Variants in DNAH8 observed in about 807,000 individuals in gnomAD.
DNAH8 encodes the protein dynein axonemal heavy chain 8, also known as axonemal beta dynein heavy chain 8.
DNAH8 carries 382 observed loss-of-function variants against 562.1 expected under a neutral mutation model. The observed-to-expected ratio is 0.68, with a 90% CI of 0.63 to 0.74. DNAH8 has a LOEUF of 0.74. Ranked by LOEUF, DNAH8 falls within the 30% of genes least tolerant of loss-of-function variation. The pLI is 0.00. For missense variants in DNAH8, 5,203 were observed against 5,620.4 expected (o/e 0.93, Z 2.37); for synonymous variants, 1,881 against 1,919.4 (o/e 0.98, Z 0.52).
intron 67 of DNAH8, 34 bp downstream of exon 67, chr6:38,913,986 A>G (rs776136991): frequency 1.4e-6 from 2 of 1,475,494 alleles, no homozygotes; most frequent in South Asian, 1.2e-5. Flanking sequence ...CTGATGAGGA[A>G]TATTTTTCCA....
chr6:38,789,288 C>A (rs1173302835), intron 18 of DNAH8, among the ~76,000 whole-genome samples: 1 of 152,154 alleles, frequency 6.6e-6, no homozygotes, highest in African/African-American at 2.4e-5. Context: ...CTCGAATCTG[C>A]ATTTCCCACA....
chr6:38,731,184 A>G (rs1169713084), intron 4 of DNAH8, among the ~76,000 whole-genome samples: 2 of 152,204 alleles, frequency 1.3e-5, no homozygotes, highest in Admixed American at 6.5e-5. Context: ...CTATATTTTT[A>G]TAACTTGTTA....
intron 87 of DNAH8, among the ~76,000 whole-genome samples, chr6:38,988,865 T>G (rs1350479533): frequency 6.6e-6 from 1 of 152,218 alleles, no homozygotes; most frequent in Non-Finnish European, 1.5e-5. Flanking sequence ...TTTAAACCTC[T>G]TTAGTACTTT....
At chr6:38,955,009 C>G (rs548617083) in intron 82 of DNAH8, among the ~76,000 whole-genome samples, 1 of 152,234 alleles carries the variant, frequency 6.6e-6, no homozygotes, top group Admixed American at 6.5e-5. Context: ...ACTCTGTCAC[C>G]CAGGCTGGAG....
intron 11 of DNAH8, among the ~76,000 whole-genome samples, chr6:38,766,716 CA>C (rs1767043237): frequency 6.6e-6 from 1 of 152,042 alleles, no homozygotes; most frequent in African/African-American, 2.4e-5. Context: ...CCCCCCACCC[CA>C]AAAAATAACT....
Position 38,954,719 on chromosome 6 carries a change from A to T in DNAH8, c.12451+3199A>T, listed in dbSNP as rs1383051129. On this transcript the variant is annotated intron_variant, in intron 82 of 92. Coordinates refer to ENST00000327475, the MANE Select transcript of DNAH8 (RefSeq NM_001206927.2). Reference sequence around the variant, plus strand: ...CTCCGTCTCAAAAAAAAAAAAAAAAAAAAAAAAAATAAATTACAGCATCTC... The same window carrying T: ...CTCCGTCTCAAAAAAAAAAAAAAAATAAAAAAAAATAAATTACAGCATCTC... 5.4e-3 allele frequency among the ~76,000 whole-genome samples: 814 copies of T among 151,030 alleles called. 395 individuals are homozygous for T. The highest frequency in any genetic ancestry group is 0.017 in the African/African-American group (696 of 40,854).
At chr6:38,734,251 T>A (rs1242436897) in intron 4 of DNAH8, among the ~76,000 whole-genome samples, 1 of 140,664 alleles carries the variant, frequency 7.1e-6, no homozygotes, top group East Asian at 2.2e-4. Flanking sequence ...ACTACTGCAC[T>A]CCAGCCTGGG....
At chr6:38,804,201 T>G (rs1339535003) in intron 22 of DNAH8, among the ~76,000 whole-genome samples, 1 of 152,190 alleles carries the variant, frequency 6.6e-6, no homozygotes, top group Non-Finnish European at 1.5e-5. Flanking sequence ...TGAATCCCCT[T>G]TATCAGGGGC....
chr6:39,021,829 A>G (rs1328873723), intron 91 of DNAH8, among the ~76,000 whole-genome samples: 1 of 152,258 alleles, frequency 6.6e-6, no homozygotes, highest in African/African-American at 2.4e-5. Context: ...AGTGTAAATC[A>G]TTACAAAATG....
rs2150773780 is a variant in DNAH8 at position 39,012,651 on chromosome 6, G to A, written c.13714+14G>A. On this transcript the variant is annotated intron_variant, in intron 91 of 92. Transcript: ENST00000327475. Reference sequence around the variant, plus strand: ...TTAATCCCCAAGGTATGTGCTCATAGGAGATTTGGCAAGCTTGGAATTTGT... The same window carrying A: ...TTAATCCCCAAGGTATGTGCTCATAAGAGATTTGGCAAGCTTGGAATTTGT... 6.2e-7 allele frequency: 1 copy of A among 1,603,932 alleles called. No homozygotes were observed. Among genetic ancestry groups the A allele is most frequent in the Non-Finnish European group, 8.5e-7 (1 of 1,170,986 alleles).
At chr6:38,772,399 T>C (rs1165606767) in intron 12 of DNAH8, among the ~76,000 whole-genome samples, 6 of 152,190 alleles carry the variant, frequency 3.9e-5, no homozygotes, top group Non-Finnish European at 8.8e-5. Flanking sequence ...GCCATTCTAC[T>C]GGGTATGAAG....
At position 39,030,509 on chromosome 6, in the gene DNAH8, T is replaced by G. The variant is rs1403895685; in HGVS notation, c.*117T>G. On this transcript the variant is annotated 3_prime_UTR_variant, in exon 93 of 93. Transcript: ENST00000327475. ...AATTCCTTAATTACTCTTTCTACAT[T>G]AAAAAGTTGATGTTCTAAAATTGCT... is the stretch of plus-strand genomic sequence containing the variant. The G allele has an allele frequency of 1.1e-6, 1 of 912,644 alleles. No individual in the cohort carries two copies. The highest frequency in any genetic ancestry group is 1.7e-5 in the African/African-American group (1 of 60,076). The allele number at this position is 912,644 out of a possible 1,614,324, so 56.5% of individuals were successfully genotyped here. A position where few individuals can be genotyped will look rare whatever the true frequency, so the allele number is the denominator to read the frequency against.
intron 88 of DNAH8, among the ~76,000 whole-genome samples, chr6:39,005,447 A>G (rs974470474): frequency 6.6e-6 from 1 of 152,140 alleles, no homozygotes; most frequent in African/African-American, 2.4e-5. Context: ...CCATTTTACA[A>G]TCCCCTCTAG....
At chr6:38,993,518 G>T (rs575810757) in intron 88 of DNAH8, among the ~76,000 whole-genome samples, 2 of 152,192 alleles carry the variant, frequency 1.3e-5, no homozygotes, top group East Asian at 3.9e-4. Flanking sequence ...ACTTTAAGTT[G>T]TTCTTAGAGA....
Position 38,896,194 on chromosome 6 carries a change from CTG to C in DNAH8, c.8913_8914del (p.Phe2972Ter), listed in dbSNP as rs1561832117. 2 of 1,613,980 alleles carry C rather than the reference CTG, an allele frequency of 1.2e-6. No individual in the cohort carries two copies. The highest frequency in any genetic ancestry group is 1.7e-5 in the Admixed American group (1 of 60,016). ...CCAACTGGTGATGAACCTGAAGACT[CTG>C]TGTTTGAAGTACCCAAAATATATGA... On this transcript the variant is annotated frameshift_variant, in exon 60 of 93. Coordinates refer to ENST00000327475, the MANE Select transcript of DNAH8 (RefSeq NM_001206927.2). LOFTEE classifies it high-confidence loss of function.
chr6:38,934,801 A>T (rs919609728), intron 76 of DNAH8, among the ~76,000 whole-genome samples: 6 of 152,176 alleles, frequency 3.9e-5, no homozygotes, highest in Non-Finnish European at 5.9e-5. Flanking sequence ...AAAGGACATG[A>T]CATCCACGAG....
chr6:38,792,955 T>A (rs1353702671), intron 21 of DNAH8, among the ~76,000 whole-genome samples: 5 of 151,778 alleles, frequency 3.3e-5, no homozygotes, highest in Admixed American at 6.6e-5. Context: ...ATTAAAAACA[T>A]TTTTTTTGTA....
chr6:38,809,896 A>G (rs1047285144), intron 24 of DNAH8, among the ~76,000 whole-genome samples: 8 of 152,118 alleles, frequency 5.3e-5, no homozygotes, highest in African/African-American at 1.9e-4. Context: ...TTATTTGGCA[A>G]ATCCCTTTAT....
chr6:38,799,945 TC>T (rs1770625564), intron 21 of DNAH8, among the ~76,000 whole-genome samples: 1 of 152,200 alleles, frequency 6.6e-6, no homozygotes, highest in African/African-American at 2.4e-5. Flanking sequence ...GAACTTAATT[TC>T]TTTTTTTTCT....
Sources: allele counts gnomAD v4.1 joint callset (sites outside exome capture counted in the v4.1 genomes callset), GRCh38; gene constraint gnomAD v4.1.1; transcripts MANE v1.5; gene names NCBI Gene and HGNC (gene_info 2026-07-23, HGNC 2026-07-21).